PTPRN2: variants seen among roughly 807,000 people sequenced by gnomAD.
PTPRN2 encodes the protein protein tyrosine phosphatase receptor type N2, also known as receptor-type tyrosine-protein phosphatase N2.
A neutral mutation model predicts 118.8 loss-of-function variants in PTPRN2; 74 were observed. The ratio of observed to expected loss-of-function variants is 0.62; its 90% CI spans 0.52 to 0.76. The LOEUF (loss-of-function observed/expected upper bound fraction) is 0.76, where lower values mean the gene tolerates loss of function less well. Among genes scored for constraint, PTPRN2 ranks in the 30% least tolerant of loss-of-function variants. PTPRN2 has a pLI of 0.00. For missense variants in PTPRN2, 1,481 were observed against 1,394.4 expected (o/e 1.06, Z -0.99); for synonymous variants, 641 against 608.0 (o/e 1.05, Z -0.80).
chr7:157,666,913 T>A (rs2150769406), intron 13 of PTPRN2, among the ~76,000 whole-genome samples: 1 of 151,964 alleles, frequency 6.6e-6, no homozygotes, highest in East Asian at 2.0e-4. Flanking sequence ...GCTTGCACAC[T>A]CAGCCTGTGG....
chr7:157,714,791 A>G (rs762398966), intron 12 of PTPRN2, among the ~76,000 whole-genome samples: 1 of 138,602 alleles, frequency 7.2e-6, no homozygotes, highest in Non-Finnish European at 1.5e-5. Context: ...TTCTGAAAGG[A>G]TTCTAGGTCT....
chr7:157,782,543 G>A (rs1803744978), intron 12 of PTPRN2, among the ~76,000 whole-genome samples: 2 of 152,208 alleles, frequency 1.3e-5, no homozygotes, highest in Admixed American at 1.3e-4. Flanking sequence ...TCCCAGTTAT[G>A]TTGTCTATAA....
intron 12 of PTPRN2, among the ~76,000 whole-genome samples, chr7:157,728,425 G>A (rs2150933298): frequency 1.3e-5 from 2 of 152,350 alleles, no homozygotes; most frequent in Middle Eastern, 3.4e-3. Flanking sequence ...GGCGCCCATG[G>A]CGGCTGGGGT....
At chr7:158,145,092 C>T (rs113773377) in intron 6 of PTPRN2, among the ~76,000 whole-genome samples, 25 of 143,018 alleles carry the variant, frequency 1.7e-4, no homozygotes, top group Non-Finnish European at 3.2e-4. Context: ...CAGAATACCA[C>T]GGCTCGGCAA....
intron 4 of PTPRN2, among the ~76,000 whole-genome samples, chr7:158,193,790 G>A (rs1825973622): frequency 6.6e-6 from 1 of 151,848 alleles, no homozygotes; most frequent in South Asian, 2.1e-4. Context: ...AGGGCCCAGA[G>A]CATGCTCCTA....
intron 8 of PTPRN2, among the ~76,000 whole-genome samples, chr7:158,135,593 A>T (rs1818738011): frequency 6.6e-6 from 1 of 152,186 alleles, no homozygotes; most frequent in Non-Finnish European, 1.5e-5. Flanking sequence ...GTGGTCTAAA[A>T]GTCAGGGAGT....
At chr7:157,695,785 T>C (rs1051745796) in intron 12 of PTPRN2, among the ~76,000 whole-genome samples, 1 of 152,216 alleles carries the variant, frequency 6.6e-6, no homozygotes, top group Non-Finnish European at 1.5e-5. Context: ...AGAAGGTAAG[T>C]CCATTGCAAC....
intron 12 of PTPRN2, among the ~76,000 whole-genome samples, chr7:157,789,309 G>C (rs1400427907): frequency 6.6e-6 from 1 of 152,182 alleles, no homozygotes; most frequent in African/African-American, 2.4e-5. Flanking sequence ...GGCTTCTACT[G>C]TTTCTAAGCT....
chr7:158,126,880 T>TCCCTGGC (rs1027212427), intron 9 of PTPRN2, among the ~76,000 whole-genome samples: 2 of 152,144 alleles, frequency 1.3e-5, no homozygotes, highest in Non-Finnish European at 2.9e-5. Flanking sequence ...AAAGTTCCTC[T>TCCCTGGC]CCCTGGCCGG....
chr7:158,311,924 CAT>C (rs199712329), intron 3 of PTPRN2, among the ~76,000 whole-genome samples: 1,741 of 151,722 alleles, frequency 0.011, 44 homozygotes, highest in African/African-American at 0.038. Flanking sequence ...CCTGCACACA[CAT>C]GTGCTCACGT....
intron 9 of PTPRN2, among the ~76,000 whole-genome samples, chr7:158,132,502 C>A (rs1818433030): frequency 6.6e-6 from 1 of 151,836 alleles, no homozygotes; most frequent in Admixed American, 6.6e-5. Context: ...CATGCACATA[C>A]AGATGCACAC....
intron 11 of PTPRN2, among the ~76,000 whole-genome samples, chr7:157,997,851 G>T: frequency 8.2e-6 from 1 of 121,432 alleles, no homozygotes; most frequent in Non-Finnish European, 1.7e-5. Context: ...GGGGAGTGGA[G>T]TGCAGGGCTG....
At chr7:158,030,247 TAATTCA>T (rs1423148939) in intron 11 of PTPRN2, 1 of 152,084 alleles carries the variant, frequency 6.6e-6, no homozygotes, top group African/African-American at 2.4e-5. Context: ...CTGCAGAAAA[TAATTCA>T]CCAGAAGCAG....
intron 3 of PTPRN2, among the ~76,000 whole-genome samples, chr7:158,221,955 G>T (rs537348011): frequency 6.6e-6 from 1 of 152,284 alleles, no homozygotes; most frequent in South Asian, 2.1e-4. Flanking sequence ...CATAGAAGCG[G>T]CCAAGAAACG....
At position 157,929,274 on chromosome 7, in the gene PTPRN2, A is replaced by C. The variant is rs1174002685; in HGVS notation, c.1724-30537T>G. Among the ~76,000 whole-genome samples, 1 of 152,116 alleles carries C rather than the reference A, an allele frequency of 6.6e-6. No individual in the cohort carries two copies. Among genetic ancestry groups the C allele is most frequent in the African/African-American group, 2.4e-5 (1 of 41,424 alleles). On this transcript the variant is annotated intron_variant, in intron 11 of 22. Coordinates refer to ENST00000389418, the MANE Select transcript of PTPRN2 (RefSeq NM_002847.5). The surrounding 1 kb of genome is among the most constrained non-coding windows in gnomAD (Gnocchi z 4.4). ...CCCCAGTACGCCGTGGCAGCCTGCC[A>C]TCCGCTCTCTGCTCCTCTGACTACC...
At chr7:157,664,991 GT>G (rs1796067444) in intron 13 of PTPRN2, among the ~76,000 whole-genome samples, 1 of 152,232 alleles carries the variant, frequency 6.6e-6, no homozygotes, top group Non-Finnish European at 1.5e-5. Context: ...AGTGAGGCCT[GT>G]GGGCCACACG....
chr7:158,300,540 C>A (rs1053803199), intron 3 of PTPRN2, among the ~76,000 whole-genome samples: 1 of 152,288 alleles, frequency 6.6e-6, no homozygotes, highest in Non-Finnish European at 1.5e-5. Flanking sequence ...GAAGACACCC[C>A]AATCTGCACG....
chr7:158,476,675 C>T (rs1477777796), intron 2 of PTPRN2, among the ~76,000 whole-genome samples: 1 of 152,236 alleles, frequency 6.6e-6, no homozygotes, highest in East Asian at 1.9e-4. Context: ...TGCCAGGCAG[C>T]CTGGAGGCTG....
At chr7:158,342,799 G>A (rs1204409171) in intron 2 of PTPRN2, among the ~76,000 whole-genome samples, 1 of 152,162 alleles carries the variant, frequency 6.6e-6, no homozygotes. Flanking sequence ...GCACCCATGA[G>A]GGAGGTACGG....
Sources: gnomAD v4.1 joint callset for allele counts (sites outside exome capture counted in the v4.1 genomes callset) on GRCh38, gnomAD v4.1.1 for gene constraint, Gnocchi (gnomAD v3.1) non-coding constraint, MANE v1.5 for transcripts, NCBI Gene and HGNC (gene_info 2026-07-23, HGNC 2026-07-21) for gene names.